Variants in PFKFB4 observed in about 807,000 individuals in gnomAD.
PFKFB4 encodes 6-phosphofructo-2-kinase/fructose-2,6-bisphosphatase 4.
Under a neutral mutation model 62.8 loss-of-function variants are expected in PFKFB4, and 42 were observed. The ratio of observed to expected loss-of-function variants is 0.67; its 90% CI spans 0.52 to 0.86. PFKFB4 has a LOEUF of 0.86. Ranked by LOEUF, PFKFB4 falls within the 40% of genes least tolerant of loss-of-function variation. The pLI, the probability that PFKFB4 is intolerant of heterozygous loss-of-function variation, is 0.00. For synonymous variants in PFKFB4, 204 were observed against 240.7 expected (o/e 0.85, Z 1.41); for missense variants, 475 against 627.2 (o/e 0.76, Z 2.59).
intron 9 of PFKFB4, among the ~76,000 whole-genome samples, chr3:48,528,725 C>T (rs1445269439): frequency 6.6e-6 from 1 of 152,116 alleles, no homozygotes; most frequent in Non-Finnish European, 1.5e-5. Context: ...CCACATAGCC[C>T]AAAAGTGGCA....
chr3:48,539,354 A>C, intron 5 of PFKFB4, 44 bp from the exon 6 acceptor site: 1 of 1,560,004 alleles, frequency 6.4e-7, no homozygotes, highest in Non-Finnish European at 8.8e-7. Context: ...AGGGAGGAAC[A>C]CGGACATGTT....
chr3:48,541,342 G>A (rs1472373004), intron 4 of PFKFB4, among the ~76,000 whole-genome samples: 1 of 151,522 alleles, frequency 6.6e-6, no homozygotes, highest in Non-Finnish European at 1.5e-5. Context: ...TATTAGCCAG[G>A]ATGGTCTTGA....
intron 9 of PFKFB4, among the ~76,000 whole-genome samples, chr3:48,532,137 T>C (rs1315291117): frequency 6.6e-6 from 1 of 152,056 alleles, no homozygotes; most frequent in Non-Finnish European, 1.5e-5. Context: ...TGAAACCCTG[T>C]CTCTACTAAA....
At chr3:48,533,019 CA>C (rs2042475202) in intron 9 of PFKFB4, among the ~76,000 whole-genome samples, 1 of 152,078 alleles carries the variant, frequency 6.6e-6, no homozygotes, top group African/African-American at 2.4e-5. Context: ...CTGGGAGTAG[CA>C]AATAGAGTTA....
chr3:48,525,558 C>A lies in PFKFB4; in HGVS notation c.1092+7G>T. 1 of 1,526,936 alleles carries A rather than the reference C, an allele frequency of 6.5e-7. No individual in the cohort carries two copies. The allele number at this position is 1,526,936 out of a possible 1,614,324, so 94.6% of individuals were successfully genotyped here. On this transcript the variant is annotated splice_region_variant and intron_variant, in intron 10 of 13. Coordinates refer to ENST00000232375, the MANE Select transcript of PFKFB4 (RefSeq NM_004567.4). ...GTGGCTGGGACTAAGCCCCAAATCC[C>A]ACCTACCTCCCCTTTAGGGTACCGG...
chr3:48,532,183 G>A (rs1260421936), intron 9 of PFKFB4, among the ~76,000 whole-genome samples: 2 of 152,104 alleles, frequency 1.3e-5, no homozygotes, highest in African/African-American at 4.8e-5. Context: ...CGTGGTGTGG[G>A]CCTGTAATCC....
In PFKFB4 at chr3:48,536,448, G is replaced by GAT; in HGVS notation, c.646_647dup (p.Lys217SerfsTer12). 1 of 1,612,332 alleles carries GAT rather than the reference G, an allele frequency of 6.2e-7. No homozygotes were observed. Among genetic ancestry groups the GAT allele is most frequent in the Non-Finnish European group, 8.5e-7 (1 of 1,178,394 alleles). The stretch of plus-strand genomic sequence containing the variant: ...AGCTCTGGCCCACATCCATGATCTT[G>GAT]ATATAGGACAGGTCCCTGTCCAGAG... On this transcript the variant is annotated frameshift_variant, in exon 8 of 14. Coordinates refer to ENST00000232375, the MANE Select transcript of PFKFB4 (RefSeq NM_004567.4). LOFTEE classifies it high-confidence loss of function.
upstream of PFKFB4, chr3:48,559,561 C>T (rs1489421897): frequency 8.8e-6 from 4 of 457,140 alleles, no homozygotes; most frequent in East Asian, 2.1e-4. Context: ...CCAGCGTCTG[C>T]TCTCTCAGCA....
chr3:48,554,714 A>G (rs2043258748), intron 1 of PFKFB4, among the ~76,000 whole-genome samples: 1 of 152,210 alleles, frequency 6.6e-6, no homozygotes, highest in African/African-American at 2.4e-5. Context: ...GGTAGTGATG[A>G]CAGAATACCC....
intron 4 of PFKFB4, among the ~76,000 whole-genome samples, chr3:48,541,148 G>A (rs1180508018): frequency 6.7e-6 from 1 of 149,716 alleles, no homozygotes; most frequent in African/African-American, 2.5e-5. Context: ...GCAGTGGCGC[G>A]ATCTCAGCTC....
chr3:48,549,071 C>T (rs1438431109), intron 3 of PFKFB4, among the ~76,000 whole-genome samples: 3 of 152,124 alleles, frequency 2.0e-5, no homozygotes, highest in African/African-American at 7.2e-5. Flanking sequence ...CTCTGCCACC[C>T]TAGGTTGATA....
chr3:48,559,630 G>A (rs759886004), upstream of PFKFB4: 15 of 456,548 alleles, frequency 3.3e-5, no homozygotes, highest in South Asian at 1.2e-4. Context: ...CAGTATATCC[G>A]AAAGTGAGCC....
Position 48,525,557 on chromosome 3 carries a change from C to G in PFKFB4, c.1092+8G>C. ...GGTGGCTGGGACTAAGCCCCAAATC[C>G]CACCTACCTCCCCTTTAGGGTACCG... is the stretch of plus-strand genomic sequence containing the variant. On this transcript the variant is annotated splice_region_variant and intron_variant, in intron 10 of 13. Coordinates refer to ENST00000232375, the MANE Select transcript of PFKFB4 (RefSeq NM_004567.4). The G allele has an allele frequency of 1.3e-6, 2 of 1,521,166 alleles. No homozygotes were observed. Among genetic ancestry groups the G allele is most frequent in the Non-Finnish European group, 1.8e-6 (2 of 1,111,954 alleles). 94.2% of individuals were successfully genotyped at this position (1,521,166 alleles called of 1,614,324 possible). A position where few individuals can be genotyped will look rare whatever the true frequency, so the allele number is the denominator to read the frequency against.
Position 48,556,298 on chromosome 3 carries a change from G to C in PFKFB4, c.97+383C>G. On this transcript the variant is annotated intron_variant, in intron 1 of 13. Coordinates refer to ENST00000232375, the MANE Select transcript of PFKFB4 (RefSeq NM_004567.4). This position sits in a 1 kb window ranked among gnomAD's most constrained non-coding sequence, Gnocchi z 5.7. ...CAGCTCAGTTCCAGTCCAACAACCC[G>C]GCCCACACTCCTTGGCCAGGAGAGA... 1 of 500,340 alleles carries C rather than the reference G, an allele frequency of 2.0e-6. No homozygotes were observed. The highest frequency in any genetic ancestry group is 1.5e-5 in the South Asian group (1 of 64,612). The allele number at this position is 500,340 out of a possible 1,614,324, so 31.0% of individuals were successfully genotyped here. A position where few individuals can be genotyped will look rare whatever the true frequency, so the allele number is the denominator to read the frequency against.
chr3:48,546,639 G>A (rs567194801), intron 3 of PFKFB4, among the ~76,000 whole-genome samples: 1 of 152,356 alleles, frequency 6.6e-6, no homozygotes, highest in Non-Finnish European at 1.5e-5. Context: ...CTTGGCCAGG[G>A]TTGGGGAACT....
intron 6 of PFKFB4, among the ~76,000 whole-genome samples, chr3:48,538,962 T>C (rs930307079): frequency 6.6e-6 from 1 of 152,144 alleles, no homozygotes; most frequent in African/African-American, 2.4e-5. Flanking sequence ...AGAATGAGTC[T>C]TTCTTTCTCT....
chr3:48,557,651 C>T (rs1039227695), upstream of PFKFB4, among the ~76,000 whole-genome samples: 10 of 152,270 alleles, frequency 6.6e-5, no homozygotes, highest in Non-Finnish European at 1.3e-4. Context: ...ATGCTCCTGC[C>T]TCGGGTTCCC....
chr3:48,556,309 C>T lies in PFKFB4; in HGVS notation c.97+372G>A. 2 of 510,614 alleles carry T rather than the reference C, an allele frequency of 3.9e-6. No individual in the cohort carries two copies. Among genetic ancestry groups the T allele is most frequent in the Non-Finnish European group, 7.6e-6 (2 of 262,446 alleles). The allele number at this position is 510,614 out of a possible 1,614,324, so 31.6% of individuals were successfully genotyped here. A position where few individuals can be genotyped will look rare whatever the true frequency, so the allele number is the denominator to read the frequency against. On this transcript the variant is annotated intron_variant, in intron 1 of 13. Coordinates refer to ENST00000232375, the MANE Select transcript of PFKFB4 (RefSeq NM_004567.4). The surrounding 1 kb of genome is among the most constrained non-coding windows in gnomAD (Gnocchi z 5.7). ...CAGTCCAACAACCCGGCCCACACTC[C>T]TTGGCCAGGAGAGAGGGAAGGGCCT...
At chr3:48,536,718 A>T (rs754211096) in intron 7 of PFKFB4, 4 of 491,928 alleles carry the variant, frequency 8.1e-6, no homozygotes, top group Non-Finnish European at 1.5e-5. Context: ...CCCAAAGGTG[A>T]CATCCAAAGT....
Sources: gnomAD v4.1 joint callset for allele counts (sites outside exome capture counted in the v4.1 genomes callset) on GRCh38, gnomAD v4.1.1 for gene constraint, Gnocchi (gnomAD v3.1) non-coding constraint, MANE v1.5 for transcripts, NCBI Gene and HGNC (gene_info 2026-07-23, HGNC 2026-07-21) for gene names.